Variants in NAV2 observed in about 807,000 individuals in gnomAD.
NAV2 encodes helicase, APC down-regulated 1.
NAV2 carries 54 observed loss-of-function variants against 223.2 expected under a neutral mutation model. The ratio of observed to expected loss-of-function variants is 0.24; its 90% CI spans 0.19 to 0.30. NAV2 has a LOEUF of 0.30. Among genes scored for constraint, NAV2 ranks in the 10% least tolerant of loss-of-function variants. The pLI, the probability that NAV2 is intolerant of heterozygous loss-of-function variation, is 1.00. For synonymous variants in NAV2, 1,279 were observed against 1,239.3 expected (o/e 1.03, Z -0.67); for missense variants, 2,806 against 3,147.5 (o/e 0.89, Z 2.60).
At position 19,487,768 on chromosome 11, in the gene NAV2, T is replaced by A. The variant is rs531910896; in HGVS notation, c.75+136741T>A. Among the ~76,000 whole-genome samples, 4 of 152,264 alleles carry A rather than the reference T, an allele frequency of 2.6e-5. No individual in the cohort carries two copies. The East Asian group carries it at 7.7e-4, about 29-fold the overall frequency. On this transcript the variant is annotated intron_variant, in intron 1 of 37. Transcript: ENST00000360655. ...TAAACTTTGACAGGGTTTAGATGCA[T>A]CCACTTATAATCTCCCTCTGGGACC...
At chr11:19,545,445 A>G (rs2044468101) in intron 1 of NAV2, among the ~76,000 whole-genome samples, 1 of 142,628 alleles carries the variant, frequency 7.0e-6, no homozygotes, top group Non-Finnish European at 1.5e-5. Context: ...GGTGAAAGGA[A>G]GAAGGTATGG....
intron 1 of NAV2, among the ~76,000 whole-genome samples, chr11:19,574,174 T>C (rs894539428): frequency 6.6e-6 from 1 of 152,246 alleles, no homozygotes; most frequent in African/African-American, 2.4e-5. Context: ...TGAGCATTCC[T>C]GGTTCCCACT....
At chr11:19,997,712 A>G (rs1390874376) in intron 11 of NAV2, among the ~76,000 whole-genome samples, 1 of 152,178 alleles carries the variant, frequency 6.6e-6, no homozygotes, top group Non-Finnish European at 1.5e-5. Flanking sequence ...CTGGCTCTAA[A>G]GCCAGTGTTA....
Position 19,933,359 on chromosome 11 carries a change from C to T in NAV2, c.1115C>T (p.Ser372Phe), listed in dbSNP as rs756676193. The change falls in exon 7 of 38, where the codon TCC becomes TTC. Residue 372 changes from serine (S) to phenylalanine (F), a missense_variant. Coordinates refer to ENST00000349880, the MANE Select transcript of NAV2 (RefSeq NM_145117.5). The surrounding 1 kb of genome is among the most constrained non-coding windows in gnomAD (Gnocchi z 4.3). ...SLSVKHSATV[S>F]MLSVKPPGPE... ...AGCGTGAAGCACAGTGCCACGGTATCCATGCTCTCGGTCAAGCCTCCTGGG... is the reference window on the plus strand; with the variant it reads ...AGCGTGAAGCACAGTGCCACGGTATTCATGCTCTCGGTCAAGCCTCCTGGG... 6.2e-7 allele frequency: 1 copy of T among 1,600,436 alleles called. No individual in the cohort carries two copies.
At chr11:20,066,058 C>T (rs1169407674) in intron 20 of NAV2, among the ~76,000 whole-genome samples, 1 of 152,148 alleles carries the variant, frequency 6.6e-6, no homozygotes, top group Non-Finnish European at 1.5e-5. Flanking sequence ...AAACAGAAAG[C>T]AATAGTATTA....
Position 19,403,813 on chromosome 11 carries a change from C to G in NAV2, c.75+52786C>G, listed in dbSNP as rs80275708. ...AAAAATAAAACAGAGGAAGGGATATCGAGTGTGGGGTTAGGGGAAGGGGTG... is the reference window on the plus strand; with the variant it reads ...AAAAATAAAACAGAGGAAGGGATATGGAGTGTGGGGTTAGGGGAAGGGGTG... On this transcript the variant is annotated intron_variant, in intron 1 of 37. Coordinates refer to the NAV2 transcript ENST00000360655. Among the ~76,000 whole-genome samples the G allele has an allele frequency of 9.0e-3, 1,364 of 151,856 alleles. 12 individuals are homozygous for G. The highest frequency in any genetic ancestry group is 0.026 in the African/African-American group (1,057 of 41,410).
chr11:20,012,367 T>A (rs2053626834), intron 11 of NAV2, among the ~76,000 whole-genome samples: 1 of 152,184 alleles, frequency 6.6e-6, no homozygotes, highest in Non-Finnish European at 1.5e-5. Flanking sequence ...ACCATGATGG[T>A]GCCTACTGAT....
chr11:19,570,017 CA>C (rs1357834727), intron 1 of NAV2, among the ~76,000 whole-genome samples: 12 of 152,216 alleles, frequency 7.9e-5, no homozygotes, highest in Non-Finnish European at 1.0e-4. Flanking sequence ...TTGTAGCTAT[CA>C]GGGGGAACAT....
chr11:19,522,628 T>G (rs544395102), intron 1 of NAV2, among the ~76,000 whole-genome samples: 1 of 152,194 alleles, frequency 6.6e-6, no homozygotes, highest in Non-Finnish European at 1.5e-5. Context: ...ATGGTCACTG[T>G]CACCCCCACT....
chr11:19,844,822 G>GT (rs1197938980), intron 3 of NAV2, among the ~76,000 whole-genome samples: 1,794 of 133,072 alleles, frequency 0.013, 23 homozygotes, highest in African/African-American at 0.036. Context: ...TGAACTGTGT[G>GT]TTTTTTTTTT....
intron 5 of NAV2, among the ~76,000 whole-genome samples, chr11:19,882,639 A>C (rs1473536177): frequency 6.6e-6 from 1 of 152,218 alleles, no homozygotes; most frequent in African/African-American, 2.4e-5. Context: ...TAAAATAACC[A>C]GATATTCCAG....
At chr11:19,820,143 A>G (rs754750206) in intron 1 of NAV2, among the ~76,000 whole-genome samples, 6 of 152,250 alleles carry the variant, frequency 3.9e-5, no homozygotes, top group Non-Finnish European at 7.3e-5. Flanking sequence ...TGACCAGACC[A>G]GAGAGAGGCC....
upstream of NAV2, chr11:19,712,582 A>G (rs1018529338): frequency 6.6e-6 from 1 of 152,202 alleles, no homozygotes; most frequent in African/African-American, 2.4e-5. Context: ...GCATTTTTCA[A>G]AAGAAGGGTT....
chr11:19,859,138 T>G (rs1565440762), intron 3 of NAV2, among the ~76,000 whole-genome samples: 2 of 66,118 alleles, frequency 3.0e-5, no homozygotes, highest in African/African-American at 1.2e-4. Context: ...TCATATTCTC[T>G]TTTTTTTTTT....
chr11:19,982,721 G>A (rs1446704765), intron 10 of NAV2, among the ~76,000 whole-genome samples: 1 of 152,176 alleles, frequency 6.6e-6, no homozygotes, highest in Non-Finnish European at 1.5e-5. Flanking sequence ...TCTGGAAGGT[G>A]CTTTTCACAT....
At chr11:19,418,065 C>A (rs1423078975) in intron 1 of NAV2, among the ~76,000 whole-genome samples, 5 of 152,036 alleles carry the variant, frequency 3.3e-5, no homozygotes, top group Non-Finnish European at 7.4e-5. Flanking sequence ...ATGTGTATAC[C>A]TATGTAACAA....
intron 37 of NAV2, among the ~76,000 whole-genome samples, chr11:20,116,521 C>G (rs1288025764): frequency 6.6e-6 from 1 of 152,152 alleles, no homozygotes; most frequent in Non-Finnish European, 1.5e-5. Context: ...TTTGCAGGGG[C>G]AAACTCATGA....
At chr11:20,046,032 G>A (rs1220191485) in intron 14 of NAV2, among the ~76,000 whole-genome samples, 1 of 152,194 alleles carries the variant, frequency 6.6e-6, no homozygotes, top group African/African-American at 2.4e-5. Context: ...GTCGTAGTAT[G>A]CACTCAATAG....
At chr11:19,991,530 A>G (rs1307168603) in intron 11 of NAV2, among the ~76,000 whole-genome samples, 1 of 152,172 alleles carries the variant, frequency 6.6e-6, no homozygotes, top group African/African-American at 2.4e-5. Context: ...ATTAGCTCAT[A>G]ATTAACCCCT....
Sources: gnomAD v4.1 joint callset for allele counts (sites outside exome capture counted in the v4.1 genomes callset) on GRCh38, gnomAD v4.1.1 for gene constraint, Gnocchi (gnomAD v3.1) non-coding constraint, MANE v1.5 for transcripts, NCBI Gene and HGNC (gene_info 2026-07-23, HGNC 2026-07-21) for gene names.